SGIP1: variants seen among roughly 807,000 people sequenced by gnomAD.
SGIP1 encodes SH3-containing GRB2-like protein 3-interacting protein 1.
Under a neutral mutation model 107.5 loss-of-function variants are expected in SGIP1, and 38 were observed. The ratio of observed to expected loss-of-function variants is 0.35; its 90% CI spans 0.27 to 0.46. SGIP1 has a LOEUF of 0.46. SGIP1 is among the 20% of genes least tolerant of loss of function. The pLI, the probability that SGIP1 is intolerant of heterozygous loss-of-function variation, is 1.00. For missense variants in SGIP1, 929 were observed against 1,019.5 expected (o/e 0.91, Z 1.21); for synonymous variants, 365 against 366.1 (o/e 1.00, Z 0.03).
At chr1:66,724,672 A>G (rs1177580378) in intron 19 of SGIP1, among the ~76,000 whole-genome samples, 1 of 152,144 alleles carries the variant, frequency 6.6e-6, no homozygotes, top group Non-Finnish European at 1.5e-5. Context: ...AATAACAAGA[A>G]CAACTTGCAT....
At chr1:66,584,451 A>G (rs1278875061) in intron 1 of SGIP1, among the ~76,000 whole-genome samples, 4 of 152,150 alleles carry the variant, frequency 2.6e-5, no homozygotes, top group African/African-American at 7.2e-5. Flanking sequence ...CCCCTGTTAA[A>G]AATCCTCTAA....
intron 19 of SGIP1, among the ~76,000 whole-genome samples, chr1:66,725,597 C>T (rs2093718215): frequency 6.6e-6 from 1 of 152,148 alleles, no homozygotes; most frequent in South Asian, 2.1e-4. Flanking sequence ...CTGCTTTAGC[C>T]AAGGTAGAGT....
At chr1:66,623,870 T>G (rs1020140052) in intron 1 of SGIP1, among the ~76,000 whole-genome samples, 3 of 152,202 alleles carry the variant, frequency 2.0e-5, no homozygotes, top group African/African-American at 7.2e-5. Context: ...TCAGTGCATT[T>G]TTTTCACTGG....
At chr1:66,537,588 C>G (rs2053926718) in intron 1 of SGIP1, among the ~76,000 whole-genome samples, 1 of 152,036 alleles carries the variant, frequency 6.6e-6, no homozygotes, top group African/African-American at 2.4e-5. Flanking sequence ...GTTCCATATT[C>G]AGGCTCTTAG....
In SGIP1 at chr1:66,690,548, C is replaced by G. The variant is rs144974631; in HGVS notation, c.1570+232C>G. The G allele has an allele frequency of 7.7e-5, 42 of 547,718 alleles. 1 individual carries two copies. The East Asian group carries it at 1.3e-3, about 17-fold the overall frequency. 33.9% of individuals were successfully genotyped at this position (547,718 alleles called of 1,614,324 possible). Reference sequence around the variant, plus strand: ...AACACCTGTGTTTTGCAGGAATTTTCTTATGCTGTTCCATACAGAGCTATT... The same window carrying G: ...AACACCTGTGTTTTGCAGGAATTTTGTTATGCTGTTCCATACAGAGCTATT... On this transcript the variant is annotated intron_variant, in intron 17 of 24. Transcript: ENST00000371037.
At chr1:66,666,869 A>G (rs1050993271) in intron 8 of SGIP1, 1 of 152,226 alleles carries the variant, frequency 6.6e-6, no homozygotes, top group East Asian at 1.9e-4. Context: ...TTGCTGCTGG[A>G]CAGTTTTCGT....
chr1:66,553,115 G>A (rs369011373), intron 1 of SGIP1, among the ~76,000 whole-genome samples: 3 of 152,118 alleles, frequency 2.0e-5, no homozygotes, highest in South Asian at 2.1e-4. Flanking sequence ...TTTGGGTCAC[G>A]GTTGAACTGG....
intron 18 of SGIP1, among the ~76,000 whole-genome samples, chr1:66,705,909 T>C (rs2092461002): frequency 6.6e-6 from 1 of 151,978 alleles, no homozygotes; most frequent in Non-Finnish European, 1.5e-5. Flanking sequence ...TTAGAACAAA[T>C]ACCTAATGCA....
intron 1 of SGIP1, among the ~76,000 whole-genome samples, chr1:66,565,235 C>T (rs2059478984): frequency 6.6e-6 from 1 of 151,942 alleles, no homozygotes; most frequent in African/African-American, 2.4e-5. Context: ...AAACTTGTAA[C>T]CAAATTTATT....
chr1:66,625,799 C>T (rs1258366871), intron 1 of SGIP1, 48 bp from the exon 2 acceptor site: 1 of 1,535,610 alleles, frequency 6.5e-7, no homozygotes, highest in African/African-American at 1.4e-5. Flanking sequence ...AATATGTTCA[C>T]TTGAATGTTG....
chr1:66,689,932 G>C (rs2089441363), intron 16 of SGIP1, among the ~76,000 whole-genome samples: 1 of 152,214 alleles, frequency 6.6e-6, no homozygotes, highest in Admixed American at 6.5e-5. Flanking sequence ...TGTGAGTTCA[G>C]TCCTGAAACA....
intron 4 of SGIP1, among the ~76,000 whole-genome samples, chr1:66,638,249 A>C (rs952724266): frequency 2.0e-5 from 3 of 152,176 alleles, no homozygotes; most frequent in Admixed American, 2.0e-4. Context: ...AGCCCTGTCT[A>C]TTCCCAAGTG....
chr1:66,562,384 TTCTC>T (rs1157201841), intron 1 of SGIP1, among the ~76,000 whole-genome samples: 5 of 151,998 alleles, frequency 3.3e-5, no homozygotes. Flanking sequence ...AGGGGGGAAA[TTCTC>T]TATCTGATAG....
chr1:66,601,792 A>T (rs2065894506), intron 1 of SGIP1, among the ~76,000 whole-genome samples: 1 of 152,168 alleles, frequency 6.6e-6, no homozygotes. Context: ...ACCGCATTCA[A>T]TTTCATTTTT....
intron 1 of SGIP1, among the ~76,000 whole-genome samples, chr1:66,619,381 T>A (rs905467414): frequency 1.1e-4 from 16 of 152,202 alleles, no homozygotes; most frequent in African/African-American, 3.6e-4. Context: ...AAAAAAGAAG[T>A]GCTTTCAAAG....
At chr1:66,696,191 G>T (rs1189490444) in intron 18 of SGIP1, among the ~76,000 whole-genome samples, 3 of 152,148 alleles carry the variant, frequency 2.0e-5, no homozygotes, top group Non-Finnish European at 4.4e-5. Context: ...TAAAGGGTAA[G>T]CATTCTTCTG....
intron 1 of SGIP1, among the ~76,000 whole-genome samples, chr1:66,615,115 C>T (rs2068938336): frequency 6.6e-6 from 1 of 151,380 alleles, no homozygotes; most frequent in Non-Finnish European, 1.5e-5. Context: ...GCCTCTGCCC[C>T]CGGCCTTTTT....
At position 66,650,960 on chromosome 1, in the gene SGIP1, C is replaced by T. The variant is rs76799940; in HGVS notation, c.459+7241C>T. On this transcript the variant is annotated intron_variant, in intron 7 of 24. Coordinates refer to ENST00000371037, the MANE Select transcript of SGIP1 (RefSeq NM_032291.4). The stretch of plus-strand genomic sequence containing the variant: ...GACTTTCCGTTTATTATCCATGTAG[C>T]CCTGAGCAAATTGCTTAACTCTTTA... Among the ~76,000 whole-genome samples the T allele has an allele frequency of 1.3e-3, 200 of 152,144 alleles. 1 individual carries two copies. Among genetic ancestry groups the T allele is most frequent in the African/African-American group, 4.6e-3 (190 of 41,496 alleles).
intron 18 of SGIP1, among the ~76,000 whole-genome samples, chr1:66,706,275 T>C (rs1367874926): frequency 6.8e-6 from 1 of 148,146 alleles, no homozygotes; most frequent in East Asian, 1.9e-4. Context: ...TTTCATCAAA[T>C]ATTTTTAATT....
Sources: gnomAD v4.1 joint callset for allele counts (sites outside exome capture counted in the v4.1 genomes callset) on GRCh38, gnomAD v4.1.1 for gene constraint, MANE v1.5 for transcripts, NCBI Gene and HGNC (gene_info 2026-07-23, HGNC 2026-07-21) for gene names.